The following SLC24A3 variants were observed in gnomAD, a reference collection of about 807,000 sequenced individuals.
SLC24A3 encodes the protein sodium/potassium/calcium exchanger 3.
Under a neutral mutation model 75.8 loss-of-function variants are expected in SLC24A3, and 28 were observed. The ratio of observed to expected loss-of-function variants is 0.37; its 90% confidence interval spans 0.27 to 0.51. SLC24A3 has a LOEUF of 0.51. Among genes scored for constraint, SLC24A3 ranks in the 20% least tolerant of loss-of-function variants. The pLI, the probability that SLC24A3 is intolerant of heterozygous loss-of-function variation, is 0.94. For missense variants in SLC24A3, 663 were observed against 847.8 expected, an observed-to-expected ratio of 0.78 and a Z score of 2.71; for synonymous variants, 372 against 334.1, an observed-to-expected ratio of 1.11 and a Z score of -1.24.
chr20:19,605,998 T>G (rs530816613), intron 6 of SLC24A3, among the ~76,000 whole-genome samples: 1 of 152,314 alleles, frequency 6.6e-6, no homozygotes, highest in East Asian at 1.9e-4. Context: ...AGAAACATCC[T>G]CAGCTTTGGT....
chr20:19,351,041 T>A (rs1985553918), intron 2 of SLC24A3, among the ~76,000 whole-genome samples: 1 of 152,172 alleles, frequency 6.6e-6, no homozygotes, highest in Non-Finnish European at 1.5e-5. Flanking sequence ...ACATTACCTG[T>A]CCTTAGATGC....
chr20:19,387,616 A>G (rs567033391), intron 2 of SLC24A3, among the ~76,000 whole-genome samples: 15 of 152,196 alleles, frequency 9.9e-5, no homozygotes, highest in African/African-American at 3.6e-4. Context: ...AATTCCACAT[A>G]TTTGTGAATT....
intron 2 of SLC24A3, among the ~76,000 whole-genome samples, chr20:19,365,251 C>G (rs1164082866): frequency 6.6e-6 from 1 of 152,186 alleles, no homozygotes; most frequent in Non-Finnish European, 1.5e-5. Context: ...CCAACAGTGT[C>G]AGCTTCCCCT....
At chr20:19,553,450 T>C (rs923334218) in intron 3 of SLC24A3, among the ~76,000 whole-genome samples, 1 of 152,142 alleles carries the variant, frequency 6.6e-6, no homozygotes, top group Non-Finnish European at 1.5e-5. Context: ...AGAAATCTCA[T>C]GTATGGAAGG....
chr20:19,630,920 A>G (rs1380168206), intron 6 of SLC24A3, among the ~76,000 whole-genome samples: 2 of 152,220 alleles, frequency 1.3e-5, no homozygotes, highest in Non-Finnish European at 2.9e-5. Context: ...AACTAATTGT[A>G]TGGGTGGAGC....
intron 2 of SLC24A3, among the ~76,000 whole-genome samples, chr20:19,360,568 T>A (rs552363336): frequency 2.8e-4 from 42 of 152,344 alleles, no homozygotes; most frequent in African/African-American, 9.4e-4. Context: ...GGCATCTGAA[T>A]CTATGGATAC....
At chr20:19,345,894 C>T (rs773652841) in intron 2 of SLC24A3, among the ~76,000 whole-genome samples, 1 of 151,370 alleles carries the variant, frequency 6.6e-6, no homozygotes, top group Non-Finnish European at 1.5e-5. Flanking sequence ...CCTTAAAGGA[C>T]TAAAAGTAGA....
intron 2 of SLC24A3, among the ~76,000 whole-genome samples, chr20:19,303,687 A>C (rs754341343): frequency 6.6e-6 from 1 of 152,240 alleles, no homozygotes; most frequent in Non-Finnish European, 1.5e-5. Flanking sequence ...CTAAAACTCC[A>C]GAAAGGAAAA....
chr20:19,336,470 C>T (rs1337536357), intron 2 of SLC24A3, among the ~76,000 whole-genome samples: 11 of 152,112 alleles, frequency 7.2e-5, no homozygotes, highest in Admixed American at 7.2e-4. Flanking sequence ...ACTGCAACCT[C>T]CGCCTCCCGG....
At chr20:19,269,532 A>G (rs938326304) in intron 1 of SLC24A3, among the ~76,000 whole-genome samples, 5 of 152,246 alleles carry the variant, frequency 3.3e-5, no homozygotes, top group Non-Finnish European at 1.5e-5. Flanking sequence ...CATTGTTTCC[A>G]TTAAATTGTG....
chr20:19,609,862 G>T (rs1971930748), intron 6 of SLC24A3, among the ~76,000 whole-genome samples: 1 of 152,194 alleles, frequency 6.6e-6, no homozygotes, highest in African/African-American at 2.4e-5. Flanking sequence ...GGAGCTGTGT[G>T]CCTGTGAGTC....
intron 2 of SLC24A3, among the ~76,000 whole-genome samples, chr20:19,426,119 T>G (rs1037304479): frequency 1.3e-5 from 2 of 152,214 alleles, no homozygotes; most frequent in Non-Finnish European, 2.9e-5. Context: ...TTTCCCAAAC[T>G]TACTAGTTTA....
At chr20:19,699,899 C>T (rs1568702846) in intron 15 of SLC24A3, among the ~76,000 whole-genome samples, 1 of 152,142 alleles carries the variant, frequency 6.6e-6, no homozygotes. Context: ...TCTCAGAACC[C>T]CAGCATAGAT....
At chr20:19,644,631 C>A (rs1240793307) in intron 6 of SLC24A3, among the ~76,000 whole-genome samples, 1 of 150,036 alleles carries the variant, frequency 6.7e-6, no homozygotes, top group Non-Finnish European at 1.5e-5. Flanking sequence ...AGCCAAATTT[C>A]TCTCTATGAT....
chr20:19,497,956 C>A (rs1988320683), intron 2 of SLC24A3, among the ~76,000 whole-genome samples: 1 of 152,116 alleles, frequency 6.6e-6, no homozygotes, highest in Non-Finnish European at 1.5e-5. Context: ...GGTGGATGAG[C>A]AAGTAAAGCT....
intron 2 of SLC24A3, among the ~76,000 whole-genome samples, chr20:19,391,915 A>C (rs1986373126): frequency 6.6e-6 from 1 of 152,192 alleles, no homozygotes. Context: ...TTTTGTCAGC[A>C]GGCAGGTAGC....
chr20:19,574,497 G>A (rs565489145), intron 3 of SLC24A3, among the ~76,000 whole-genome samples: 1 of 152,266 alleles, frequency 6.6e-6, no homozygotes, highest in African/African-American at 2.4e-5. Context: ...AACTGGGCTG[G>A]GCCTGTCTCA....
At chr20:19,235,524 G>A (rs75115255) in intron 1 of SLC24A3, among the ~76,000 whole-genome samples, 1,935 of 152,246 alleles carry the variant, frequency 0.013, 58 homozygotes, top group African/African-American at 0.045. Flanking sequence ...TCAGAGCAGC[G>A]TCTGGGAAGC....
intron 1 of SLC24A3, among the ~76,000 whole-genome samples, chr20:19,240,240 T>C (rs990507210): frequency 6.6e-5 from 10 of 152,200 alleles, no homozygotes; most frequent in African/African-American, 2.4e-4. Context: ...TATCTAACTG[T>C]GTCTGAAACT....
Sources: allele counts gnomAD v4.1 joint callset (sites outside exome capture counted in the v4.1 genomes callset), GRCh38; gene constraint gnomAD v4.1.1; transcripts MANE v1.5; gene names NCBI Gene and HGNC (gene_info 2026-07-23, HGNC 2026-07-21).